Variants in ACTN2 observed in about 807,000 individuals in gnomAD.
ACTN2 encodes the protein actinin alpha 2, also known as alpha-actinin-2.
A neutral mutation model predicts 113.8 loss-of-function variants in ACTN2; 39 were observed. That is an observed-to-expected ratio of 0.34 (90% CI 0.27 to 0.45). The LOEUF is 0.45. Among genes scored for constraint, ACTN2 ranks in the 20% least tolerant of loss-of-function variants. The pLI is 1.00. For missense variants in ACTN2, 992 were observed against 1,177.9 expected (o/e 0.84, Z 2.31); for synonymous variants, 429 against 444.1 (o/e 0.97, Z 0.43).
chr1:236,735,675 G>T lies in ACTN2; in HGVS notation c.738G>T (p.Met246Ile). The T allele has an allele frequency of 6.2e-7, 1 of 1,614,246 alleles. No homozygotes were observed. Among genetic ancestry groups the T allele is most frequent in the Non-Finnish European group, 8.5e-7 (1 of 1,180,050 alleles). ...NTPKPDERAI[M>I]TYVSCFYHAF... is the part of the protein sequence containing the mutation. Reference sequence around the variant, plus strand: ...CTAAACCCGATGAAAGAGCCATCATGACGTACGTCTCTTGCTTCTACCACG... The same window carrying T: ...CTAAACCCGATGAAAGAGCCATCATTACGTACGTCTCTTGCTTCTACCACG... The change falls in exon 8 of 21, where the codon ATG becomes ATT. Residue 246 changes from methionine (M) to isoleucine (I), a missense_variant. This residue lies in a region of ACTN2 where 220 missense variants were observed against 337.5 expected (regional missense o/e 0.65). Transcript: ENST00000366578.
At chr1:236,700,251 C>T (rs1289115843) in intron 1 of ACTN2, among the ~76,000 whole-genome samples, 2 of 152,178 alleles carry the variant, frequency 1.3e-5, no homozygotes, top group African/African-American at 2.4e-5. Context: ...GGCACCATCT[C>T]GGCTCACTGC....
intron 1 of ACTN2, among the ~76,000 whole-genome samples, chr1:236,701,520 C>T (rs1238911760): frequency 6.6e-5 from 10 of 152,296 alleles, no homozygotes; most frequent in East Asian, 5.8e-4. Flanking sequence ...AGTCCTCCTG[C>T]GGGCCAGGTT....
intron 1 of ACTN2, among the ~76,000 whole-genome samples, chr1:236,696,873 C>T (rs771093029): frequency 6.6e-6 from 1 of 152,124 alleles, no homozygotes; most frequent in Non-Finnish European, 1.5e-5. Context: ...ACCATGTTAG[C>T]CAGGATGGTC....
At chr1:236,738,726 A>G (rs761057963) in intron 9 of ACTN2, among the ~76,000 whole-genome samples, 2 of 152,180 alleles carry the variant, frequency 1.3e-5, no homozygotes, top group Non-Finnish European at 2.9e-5. Flanking sequence ...GTGCATGTGT[A>G]TTTTGTCCTT....
intron 1 of ACTN2, among the ~76,000 whole-genome samples, chr1:236,693,690 C>T (rs1430646397): frequency 6.6e-6 from 1 of 152,204 alleles, no homozygotes. Flanking sequence ...TTCAGGCTTT[C>T]CACCTTCCCT....
Position 236,735,694 on chromosome 1 carries a change from T to C in ACTN2, c.757T>C (p.Tyr253His). ...CATCATGACGTACGTCTCTTGCTTC[T>C]ACCACGCTTTTGCGGGCGCGGAGCA... is the stretch of plus-strand genomic sequence containing the variant. Reference protein sequence around the residue: ...RAIMTYVSCFYHAFAGAEQAE... With the variant: ...RAIMTYVSCFHHAFAGAEQAE... The change falls in exon 8 of 21, where the codon TAC (tyrosine) becomes CAC (histidine). Residue 253 changes from tyrosine (Y) to histidine (H), a missense_variant. By Grantham distance (83) the Tyr-to-His change is moderately conservative. Transcript: ENST00000366578. 6.2e-7 allele frequency: 1 copy of C among 1,614,256 alleles called. No homozygotes were observed. The highest frequency in any genetic ancestry group is 8.5e-7 in the Non-Finnish European group (1 of 1,180,054).
rs1328857189 is a variant in ACTN2 at position 236,751,464 on chromosome 1, G to T, written c.1657-6G>T. ...TTGTTTTTCTCCACTTGTGTCTCGG[G>T]TGTAGAGTCTGATCACTGCGCATGA... On this transcript the variant is annotated splice_region_variant and splice_polypyrimidine_tract_variant and intron_variant, in intron 14 of 20. Transcript: ENST00000366578. 6.2e-7 allele frequency: 1 copy of T among 1,613,882 alleles called. No individual in the cohort carries two copies. The highest frequency in any genetic ancestry group is 8.5e-7 in the Non-Finnish European group (1 of 1,180,034).
chr1:236,762,415 T>C, intron 20 of ACTN2, 46 bp from the exon 21 acceptor site: 1 of 1,610,890 alleles, frequency 6.2e-7, no homozygotes, highest in South Asian at 1.1e-5. Flanking sequence ...GTTTATGTTG[T>C]GGTGTTTCTG....
chr1:236,755,034 T>A lies in ACTN2; in HGVS notation c.1990T>A (p.Ser664Thr). 2 of 1,614,156 alleles carry A rather than the reference T, an allele frequency of 1.2e-6. No homozygotes were observed. The highest frequency in any genetic ancestry group is 8.5e-7 in the Non-Finnish European group (1 of 1,180,034). The change falls in exon 17 of 21, where the codon TCC becomes ACC. Residue 664 changes from serine (S) to threonine (T), a missense_variant. By Grantham distance (58) the Ser-to-Thr change is moderately conservative. Around this residue, in one of 3 missense-constraint regions of ACTN2, gnomAD observed 736 missense variants for 815.4 expected, o/e 0.90. Transcript: ENST00000366578. ...CCCCCCTCAGGAGATTGCCCGGAGC[T>A]CCATCCAGATCACAGGAGCCCTGGA... ...QNKMEEIARS[S>T]IQITGALEDQ...
rs1405981543 is a variant in ACTN2, at chr1:236,686,554, C to A, written c.-120C>A. The A allele has an allele frequency of 1.7e-6, 2 of 1,195,562 alleles. No individual in the cohort carries two copies. Among genetic ancestry groups the A allele is most frequent in the Non-Finnish European group, 2.1e-6 (2 of 932,842 alleles). 74.1% of individuals were successfully genotyped at this position (1,195,562 alleles called of 1,614,324 possible). A position where few individuals can be genotyped will look rare whatever the true frequency, so the allele number is the denominator to read the frequency against. On this transcript the variant is annotated 5_prime_UTR_variant, in exon 1 of 21. Coordinates refer to ENST00000366578, the MANE Select transcript of ACTN2 (RefSeq NM_001103.4). ...CCAGGCGTGTCGCCCCGAGAGGAGC[C>A]GCGCGAAGGTCACCCCGCGCCCGCC...
At chr1:236,696,189 C>T (rs932204739) in intron 1 of ACTN2, among the ~76,000 whole-genome samples, 4 of 151,918 alleles carry the variant, frequency 2.6e-5, no homozygotes, top group Admixed American at 6.6e-5. Flanking sequence ...CGCCTGTAAT[C>T]CCAGCTACTC....
intron 8 of ACTN2, 173 bp from the exon 9 acceptor site, chr1:236,736,949 T>A: frequency 1.6e-6 from 1 of 642,850 alleles, no homozygotes; most frequent in Non-Finnish European, 2.8e-6. Flanking sequence ...AGGTGTGAAA[T>A]GATTCATAGT....
At chr1:236,743,095 G>A (rs1221457286) in intron 11 of ACTN2, 52 bp downstream of exon 11, 1 of 1,605,546 alleles carries the variant, frequency 6.2e-7, no homozygotes. Flanking sequence ...GTTGAGCCAT[G>A]CCCAGAGCCA....
At chr1:236,720,002 T>C (rs1276797272) in intron 3 of ACTN2, 103 bp from the exon 4 acceptor site, 44 of 793,162 alleles carry the variant, frequency 5.5e-5, no homozygotes, top group Middle Eastern at 2.6e-4. Context: ...TCCATCCATA[T>C]GCACATTTTC....
chr1:236,693,177 GCACACACACACACACACACACA>G (rs35891713), intron 1 of ACTN2, among the ~76,000 whole-genome samples: 1 of 149,038 alleles, frequency 6.7e-6, no homozygotes, highest in Non-Finnish European at 1.5e-5. Flanking sequence ...CTGCACACAT[GCACACACACACACACACACACA>G]CACACACACA....
intron 1 of ACTN2, among the ~76,000 whole-genome samples, chr1:236,689,138 G>A (rs1665978012): frequency 9.2e-5 from 14 of 151,956 alleles, no homozygotes; most frequent in Admixed American, 8.5e-4. Context: ...GCGAATAGGC[G>A]TTTCAACGTG....
chr1:236,733,982 A>G (rs1011982584), intron 7 of ACTN2, among the ~76,000 whole-genome samples: 8 of 152,114 alleles, frequency 5.3e-5, no homozygotes, highest in African/African-American at 1.9e-4. Context: ...ATTTCCCTCC[A>G]CAAATCTTTG....
intron 1 of ACTN2, among the ~76,000 whole-genome samples, chr1:236,710,898 C>A (rs547996387): frequency 6.6e-5 from 10 of 152,246 alleles, no homozygotes; most frequent in Non-Finnish European, 1.5e-4. Flanking sequence ...CTTCCCTACC[C>A]CCCACCCGTG....
intron 1 of ACTN2, among the ~76,000 whole-genome samples, chr1:236,696,001 T>C (rs1195257019): frequency 6.6e-6 from 1 of 152,054 alleles, no homozygotes; most frequent in Non-Finnish European, 1.5e-5. Flanking sequence ...AATGTACAAA[T>C]AGGTGAATAT....
Sources: gnomAD v4.1 joint callset for allele counts (sites outside exome capture counted in the v4.1 genomes callset) on GRCh38, gnomAD v4.1.1 for gene constraint, gnomAD v4.1.1 regional missense constraint, MANE v1.5 for transcripts, NCBI Gene and HGNC (gene_info 2026-07-23, HGNC 2026-07-21) for gene names.